The following DPP10 variants were observed in gnomAD, a reference collection of about 807,000 sequenced individuals.
DPP10 encodes the protein inactive dipeptidyl peptidase 10.
Under a neutral mutation model 120.9 loss-of-function variants are expected in DPP10, and 33 were observed. The observed-to-expected ratio is 0.27, with a 90% CI of 0.21 to 0.37. DPP10 has a LOEUF of 0.37. DPP10 is among the 10% of genes least tolerant of loss of function. DPP10 has a pLI of 1.00. For synonymous variants in DPP10, 337 were observed against 326.1 expected (o/e 1.03, Z -0.36); for missense variants, 816 against 942.8 (o/e 0.87, Z 1.76).
chr2:115,763,538 T>C (rs1258208420), intron 12 of DPP10, among the ~76,000 whole-genome samples: 1 of 152,150 alleles, frequency 6.6e-6, no homozygotes, highest in Non-Finnish European at 1.5e-5. Context: ...TTCTCATTTT[T>C]ATCTATCTAT....
In DPP10 at chr2:114,987,955, C is replaced by A. The variant is rs548800858; in HGVS notation, c.61-321284C>A. On this transcript the variant is annotated intron_variant, in intron 1 of 25. Coordinates refer to ENST00000410059, the MANE Select transcript of DPP10 (RefSeq NM_020868.6). ...AGTAGCTGGGACTACAGGCACCTGC[C>A]ACCACGCCCGGCTAATTTTTTGTAT... Among the ~76,000 whole-genome samples, 8 of 152,024 alleles carry A rather than the reference C, an allele frequency of 5.3e-5. No individual in the cohort carries two copies. The South Asian group carries it at 1.7e-3, about 32-fold the overall frequency.
chr2:115,560,717 C>G (rs1575179835), intron 5 of DPP10, among the ~76,000 whole-genome samples: 1 of 151,708 alleles, frequency 6.6e-6, no homozygotes, highest in East Asian at 2.0e-4. Context: ...AGGGCTCAAG[C>G]TAGCAAAGTG....
rs773125569 is a variant in DPP10, at chr2:114,722,502, C to T, written c.60+279664C>T. Among the ~76,000 whole-genome samples, 7 of 151,910 alleles carry T rather than the reference C, an allele frequency of 4.6e-5. No homozygotes were observed. The South Asian group carries it at 1.2e-3, about 27-fold the overall frequency. The stretch of plus-strand genomic sequence containing the variant: ...ATCTTAAAACAGCTAACCAGTCGGG[C>T]GCGGTGGCTCACGCCTGTAATCCCA... On this transcript the variant is annotated intron_variant, in intron 1 of 25. Coordinates refer to ENST00000410059, the MANE Select transcript of DPP10 (RefSeq NM_020868.6).
chr2:115,404,642 C>T (rs2068373997), intron 3 of DPP10, among the ~76,000 whole-genome samples: 1 of 151,924 alleles, frequency 6.6e-6, no homozygotes, highest in Non-Finnish European at 1.5e-5. Context: ...AAAAAAAAGA[C>T]GTTTATTTTG....
chr2:115,424,317 C>T (rs74983160), intron 3 of DPP10, among the ~76,000 whole-genome samples: 2,432 of 152,068 alleles, frequency 0.016, 58 homozygotes, highest in African/African-American at 0.056. Context: ...CCTGAAAATA[C>T]TTACTAATGT....
intron 5 of DPP10, among the ~76,000 whole-genome samples, chr2:115,593,723 T>C (rs2082819073): frequency 6.6e-6 from 1 of 152,150 alleles, no homozygotes; most frequent in Admixed American, 6.5e-5. Flanking sequence ...AAACATAATT[T>C]TTCTCTCTCT....
chr2:114,485,143 T>C (rs796825369), intron 1 of DPP10, among the ~76,000 whole-genome samples: 10 of 152,276 alleles, frequency 6.6e-5, no homozygotes, highest in African/African-American at 2.4e-4. Context: ...TGAGGTCTAA[T>C]TGGAATTATA....
At chr2:114,548,501 C>T (rs1687605784) in intron 1 of DPP10, among the ~76,000 whole-genome samples, 1 of 152,178 alleles carries the variant, frequency 6.6e-6, no homozygotes. Context: ...GGGCTAGTTA[C>T]AGGCTGCTTG....
intron 19 of DPP10, among the ~76,000 whole-genome samples, chr2:115,809,653 C>T (rs1168302356): frequency 3.3e-5 from 5 of 152,086 alleles, no homozygotes; most frequent in Non-Finnish European, 7.3e-5. Context: ...TGCAACTGAG[C>T]GAACCTGTTG....
At chr2:114,829,238 C>T (rs1247889685) in intron 1 of DPP10, among the ~76,000 whole-genome samples, 2 of 151,704 alleles carry the variant, frequency 1.3e-5, no homozygotes, top group African/African-American at 4.8e-5. Context: ...AGCAGTGAGC[C>T]AAGATCGAGC....
At chr2:114,793,327 G>A (rs532377148) in intron 1 of DPP10, among the ~76,000 whole-genome samples, 15 of 152,020 alleles carry the variant, frequency 9.9e-5, no homozygotes, top group South Asian at 2.1e-4. Context: ...GCCCCAGTGC[G>A]TGATGTTCCC....
At chr2:114,955,965 A>G (rs1698172468) in intron 1 of DPP10, among the ~76,000 whole-genome samples, 2 of 152,228 alleles carry the variant, frequency 1.3e-5, no homozygotes, top group Admixed American at 6.5e-5. Flanking sequence ...AAGGCCATAT[A>G]TGATAAGCCC....
In DPP10 at chr2:115,102,236, C is replaced by T. The variant is rs556320246; in HGVS notation, c.61-207003C>T. On this transcript the variant is annotated intron_variant, in intron 1 of 25. Coordinates refer to ENST00000410059, the MANE Select transcript of DPP10 (RefSeq NM_020868.6). ...ATAGAGAGCTCTGGTCCCTCTTTCTCTTCTTTCACTCACAGGGGCTCCAAC... is the reference window on the plus strand; with the variant it reads ...ATAGAGAGCTCTGGTCCCTCTTTCTTTTCTTTCACTCACAGGGGCTCCAAC... Among the ~76,000 whole-genome samples the T allele has an allele frequency of 6.6e-5, 10 of 152,292 alleles. No individual in the cohort carries two copies. The East Asian group carries it at 1.9e-3, about 29-fold the overall frequency.
At chr2:115,795,521 G>C (rs561931190) in intron 19 of DPP10, among the ~76,000 whole-genome samples, 3 of 152,184 alleles carry the variant, frequency 2.0e-5, no homozygotes, top group African/African-American at 7.2e-5. Context: ...TCCTCTGTCA[G>C]CCTATGGATC....
chr2:114,594,935 G>C (rs1477208100), intron 1 of DPP10, among the ~76,000 whole-genome samples: 2 of 151,642 alleles, frequency 1.3e-5, no homozygotes, highest in Non-Finnish European at 2.9e-5. Context: ...GTCTCTCTCT[G>C]TCTCCCCCAG....
chr2:115,657,002 T>A (rs1378842323), intron 5 of DPP10, among the ~76,000 whole-genome samples: 1 of 151,654 alleles, frequency 6.6e-6, no homozygotes, highest in Non-Finnish European at 1.5e-5. Context: ...TAACATAGTA[T>A]CTATATTAAT....
intron 19 of DPP10, among the ~76,000 whole-genome samples, chr2:115,800,505 T>C (rs1225837435): frequency 1.3e-5 from 2 of 152,220 alleles, no homozygotes; most frequent in East Asian, 3.8e-4. Flanking sequence ...CATGAAGTCC[T>C]TGCCCATGCC....
chr2:115,437,781 G>A (rs1052174703), intron 3 of DPP10, among the ~76,000 whole-genome samples: 2 of 151,998 alleles, frequency 1.3e-5, no homozygotes, highest in Non-Finnish European at 2.9e-5. Context: ...TTTTGAAAGT[G>A]ATAAATGACT....
chr2:114,655,511 A>G (rs1209119217), intron 1 of DPP10, among the ~76,000 whole-genome samples: 3 of 152,206 alleles, frequency 2.0e-5, no homozygotes, highest in Admixed American at 6.5e-5. Context: ...TCCTTCCTTG[A>G]CTAGTGCTCT....
Sources: gnomAD v4.1 joint callset for allele counts (sites outside exome capture counted in the v4.1 genomes callset) on GRCh38, gnomAD v4.1.1 for gene constraint, MANE v1.5 for transcripts, NCBI Gene and HGNC (gene_info 2026-07-23, HGNC 2026-07-21) for gene names.